PCDHGA2: variants seen among roughly 807,000 people sequenced by gnomAD.
The protein encoded by PCDHGA2 is protocadherin gamma subfamily A, 2, also known as protocadherin gamma-A2.
Under a neutral mutation model 59.2 loss-of-function variants are expected in PCDHGA2, and 40 were observed. The ratio of observed to expected loss-of-function variants is 0.68; its 90% CI spans 0.52 to 0.88. The LOEUF (loss-of-function observed/expected upper bound fraction) is 0.88. Among genes scored for constraint, PCDHGA2 ranks in the 40% least tolerant of loss-of-function variants. The pLI is 0.00. For missense variants in PCDHGA2, 1,226 were observed against 1,204.0 expected (o/e 1.02, Z -0.27); for synonymous variants, 560 against 526.0 (o/e 1.06, Z -0.89).
chr5:141,391,912 T>C (rs1370313040), intron 1 of PCDHGA2: 1 of 152,228 alleles, frequency 6.6e-6, no homozygotes, highest in Non-Finnish European at 1.5e-5. Context: ...CTTTTTATCA[T>C]ATATTCATCT....
At chr5:141,399,854 G>A (rs747617678) in intron 1 of PCDHGA2, 6 of 1,612,786 alleles carry the variant, frequency 3.7e-6, no homozygotes, top group Non-Finnish European at 5.1e-6. Context: ...ATGGTGCCGC[G>A]CGCTGCAGAG....
intron 1 of PCDHGA2, chr5:141,420,319 G>A (rs1393746531): frequency 7.0e-7 from 1 of 1,437,540 alleles, no homozygotes; most frequent in Non-Finnish European, 9.4e-7. Flanking sequence ...ATTACAATAT[G>A]CCAATATATT....
intron 1 of PCDHGA2, among the ~76,000 whole-genome samples, chr5:141,397,686 T>C (rs963267542): frequency 7.2e-5 from 11 of 152,372 alleles, no homozygotes; most frequent in Middle Eastern, 3.4e-3. Flanking sequence ...TGCAGGTTTG[T>C]ATAAAAACCC....
chr5:141,357,388 A>T, intron 1 of PCDHGA2: 4 of 1,614,224 alleles, frequency 2.5e-6, no homozygotes, highest in Non-Finnish European at 3.4e-6. Context: ...CGCTGAAGGC[A>T]GCAGGTTGGC....
chr5:141,491,148 G>A lies in PCDHGA2; in HGVS notation c.2425-3659G>A. The A allele has an allele frequency of 6.8e-6, 11 of 1,614,140 alleles. No homozygotes were observed. The highest frequency in any genetic ancestry group is 9.3e-6 in the Non-Finnish European group (11 of 1,179,990). The stretch of plus-strand genomic sequence containing the variant: ...TGCGCACAGCCCGGGCCTTACTGGA[G>A]GATGACTCTGACACCCAGCAGGTGG... On this transcript the variant is annotated intron_variant, in intron 1 of 3. Transcript: ENST00000394576. The surrounding 1 kb of genome is among the most constrained non-coding windows in gnomAD (Gnocchi z 6.9).
At chr5:141,371,731 A>G in intron 1 of PCDHGA2, 1 of 1,614,042 alleles carries the variant, frequency 6.2e-7, no homozygotes, top group Non-Finnish European at 8.5e-7. Flanking sequence ...CTTGATGTCA[A>G]CGACAACGTT....
chr5:141,370,282 G>C (rs1485340521), intron 1 of PCDHGA2: 2 of 938,746 alleles, frequency 2.1e-6, no homozygotes, highest in East Asian at 2.6e-5. Context: ...ACACCCATTA[G>C]AGAACCCAAG....
At position 141,339,729 on chromosome 5, in the gene PCDHGA2, A is replaced by G. The variant is rs1756868567; in HGVS notation, c.758A>G (p.Glu253Gly). ...CCCGAGTACCGCATAAGCATTCCGG[A>G]GAATACGCTCGTGGGCACCCGGATA... ...TQPEYRISIP[E>G]NTLVGTRILT... The change falls in exon 1 of 4, where the codon GAG (glutamate) becomes GGG (glycine). Residue 253 changes from glutamate (E) to glycine (G), a missense_variant. Transcript: ENST00000394576. The G allele has an allele frequency of 1.2e-6, 2 of 1,614,110 alleles. No homozygotes were observed. The highest frequency in any genetic ancestry group is 1.7e-6 in the Non-Finnish European group (2 of 1,179,984).
chr5:141,476,225 A>G lies in PCDHGA2; in HGVS notation c.2425-18582A>G, dbSNP rs1414835001. ...GGCTTCCACGGTCATTCACTATGAG[A>G]TCCCGGAGGAAAGAGAGAAGGGTTT... On this transcript the variant is annotated intron_variant, in intron 1 of 3. Transcript: ENST00000394576. This position sits in a 1 kb window ranked among gnomAD's most constrained non-coding sequence, Gnocchi z 7.6. 3 of 1,613,882 alleles carry G rather than the reference A, an allele frequency of 1.9e-6. No homozygotes were observed. The highest frequency in any genetic ancestry group is 2.5e-6 in the Non-Finnish European group (3 of 1,180,012).
At chr5:141,473,907 C>A (rs552055360) in intron 1 of PCDHGA2, among the ~76,000 whole-genome samples, 1 of 152,102 alleles carries the variant, frequency 6.6e-6, no homozygotes. Flanking sequence ...ATGAAGAGGT[C>A]TTAAGAAAAC....
chr5:141,418,699 C>A, intron 1 of PCDHGA2: 1 of 1,614,014 alleles, frequency 6.2e-7, no homozygotes, highest in Non-Finnish European at 8.5e-7. Context: ...TCACTTATTC[C>A]TTCTTTGGTG....
At chr5:141,386,116 T>G (rs376387323) in intron 1 of PCDHGA2, 1 of 152,146 alleles carries the variant, frequency 6.6e-6, no homozygotes, top group Admixed American at 6.6e-5. Context: ...GCTATCAAAG[T>G]GGGAGATTGG....
chr5:141,409,338 A>C, intron 1 of PCDHGA2: 5 of 1,614,002 alleles, frequency 3.1e-6, no homozygotes, highest in Non-Finnish European at 4.2e-6. Flanking sequence ...TTCGGAGGAA[A>C]TGGAGAAGTC....
chr5:141,440,818 C>T (rs906112291), intron 1 of PCDHGA2: 2 of 152,124 alleles, frequency 1.3e-5, no homozygotes, highest in Non-Finnish European at 2.9e-5. Flanking sequence ...TCACTCAACT[C>T]CTGATCCTAT....
chr5:141,477,168 A>C lies in PCDHGA2; in HGVS notation c.2425-17639A>C, dbSNP rs763187246. 1 of 1,614,210 alleles carries C rather than the reference A, an allele frequency of 6.2e-7. No homozygotes were observed. The highest frequency in any genetic ancestry group is 8.5e-7 in the Non-Finnish European group (1 of 1,180,040). On this transcript the variant is annotated intron_variant, in intron 1 of 3. Transcript: ENST00000394576. This position sits in a 1 kb window ranked among gnomAD's most constrained non-coding sequence, Gnocchi z 4.9. ...GTGGATGTGAATGACAACGCCCCGG[A>C]GATCACAGTCACCTCCGTGTACAGC...
intron 1 of PCDHGA2, chr5:141,352,549 T>C: frequency 6.2e-7 from 1 of 1,613,996 alleles, no homozygotes; most frequent in Non-Finnish European, 8.5e-7. Context: ...AGTTTAATTC[T>C]CTCAACCTGA....
intron 1 of PCDHGA2, chr5:141,379,090 T>C (rs1029371266): frequency 6.6e-6 from 1 of 152,210 alleles, no homozygotes; most frequent in Non-Finnish European, 1.5e-5. Context: ...GTTATGAATG[T>C]GTAAGAAAAA....
At chr5:141,483,501 G>C (rs1022338958) in intron 1 of PCDHGA2, among the ~76,000 whole-genome samples, 2 of 150,394 alleles carry the variant, frequency 1.3e-5, no homozygotes, top group African/African-American at 4.9e-5. Context: ...ATGAGTCAAG[G>C]CTGATCCCCC....
At chr5:141,500,947 C>T (rs933082173) in intron 2 of PCDHGA2, among the ~76,000 whole-genome samples, 15 of 151,822 alleles carry the variant, frequency 9.9e-5, no homozygotes, top group African/African-American at 3.6e-4. Context: ...CGGCTCACTG[C>T]AAGCTCCACC....
Sources: allele counts gnomAD v4.1 joint callset (sites outside exome capture counted in the v4.1 genomes callset), GRCh38; gene constraint gnomAD v4.1.1; non-coding constraint Gnocchi (gnomAD v3.1); transcripts MANE v1.5; gene names NCBI Gene and HGNC (gene_info 2026-07-23, HGNC 2026-07-21).